The following LRMDA variants were observed in gnomAD, a reference collection of about 807,000 sequenced individuals.
LRMDA encodes the protein leucine-rich melanocyte differentiation-associated protein.
A neutral mutation model predicts 29.8 loss-of-function variants in LRMDA; 18 were observed. The observed-to-expected ratio is 0.60, with a 90% CI of 0.42 to 0.90. The LOEUF is 0.90. Among genes scored for constraint, LRMDA ranks in the 40% least tolerant of loss-of-function variants. The pLI is 0.00. For missense variants in LRMDA, 273 were observed against 273.9 expected (o/e 1.00, Z 0.02); for synonymous variants, 125 against 109.4 (o/e 1.14, Z -0.89).
chr10:75,653,266 C>T (rs1026602846), intron 2 of LRMDA, among the ~76,000 whole-genome samples: 2 of 152,178 alleles, frequency 1.3e-5, no homozygotes, highest in East Asian at 1.9e-4. Flanking sequence ...CAGACAGGAT[C>T]GTGAAGAGAA....
At chr10:75,584,214 C>G (rs1004424566) in intron 2 of LRMDA, among the ~76,000 whole-genome samples, 1 of 152,124 alleles carries the variant, frequency 6.6e-6, no homozygotes, top group Non-Finnish European at 1.5e-5. Context: ...GTTCCCTAGG[C>G]TAGGAGCTGC....
chr10:75,783,409 C>A (rs1843417883), intron 2 of LRMDA, among the ~76,000 whole-genome samples: 1 of 146,670 alleles, frequency 6.8e-6, no homozygotes, highest in Admixed American at 7.0e-5. Flanking sequence ...CAAAAGGAAT[C>A]TAGTTAATTT....
At chr10:75,821,666 G>A (rs1844161161) in intron 2 of LRMDA, among the ~76,000 whole-genome samples, 1 of 152,106 alleles carries the variant, frequency 6.6e-6, no homozygotes, top group South Asian at 2.1e-4. Context: ...CTACTCAGGA[G>A]GCTGAGGCAG....
chr10:75,698,181 C>G (rs988193799), intron 2 of LRMDA, among the ~76,000 whole-genome samples: 3 of 152,168 alleles, frequency 2.0e-5, no homozygotes, highest in African/African-American at 7.2e-5. Flanking sequence ...TCCCTGTTCC[C>G]ACCCCATTAG....
intron 2 of LRMDA, among the ~76,000 whole-genome samples, chr10:75,756,847 T>G (rs1843038489): frequency 6.6e-6 from 1 of 152,232 alleles, no homozygotes; most frequent in South Asian, 2.1e-4. Flanking sequence ...AAAGACTCTT[T>G]TCTTCATCAC....
At chr10:75,538,278 A>G (rs1357769624) in intron 2 of LRMDA, among the ~76,000 whole-genome samples, 1 of 152,170 alleles carries the variant, frequency 6.6e-6, no homozygotes, top group Non-Finnish European at 1.5e-5. Context: ...AGCTTTGCAT[A>G]ACACAGAGAC....
intron 6 of LRMDA, among the ~76,000 whole-genome samples, chr10:76,379,232 T>C (rs889669084): frequency 2.0e-5 from 3 of 149,548 alleles, no homozygotes; most frequent in Admixed American, 1.3e-4. Context: ...CAGGGTGATA[T>C]TGGCTTTATA....
intron 5 of LRMDA, among the ~76,000 whole-genome samples, chr10:76,191,492 A>AT (rs1308845845): frequency 1.3e-5 from 2 of 152,176 alleles, no homozygotes; most frequent in African/African-American, 4.8e-5. Flanking sequence ...GCTGATGCCC[A>AT]TGACTGCCTT....
At chr10:75,433,394 T>G (rs1844228440) in intron 1 of LRMDA, among the ~76,000 whole-genome samples, 1 of 152,206 alleles carries the variant, frequency 6.6e-6, no homozygotes, top group Admixed American at 6.5e-5. Flanking sequence ...GTGAGGCATT[T>G]TAGGCCCTTG....
chr10:75,756,426 T>G (rs948261309), intron 2 of LRMDA, among the ~76,000 whole-genome samples: 26 of 152,012 alleles, frequency 1.7e-4, no homozygotes, highest in Non-Finnish European at 1.2e-4. Flanking sequence ...GAGCATAGAG[T>G]TAGAAGGACC....
At chr10:75,455,006 G>A (rs1035488346) in intron 2 of LRMDA, among the ~76,000 whole-genome samples, 2 of 152,186 alleles carry the variant, frequency 1.3e-5, no homozygotes, top group African/African-American at 4.8e-5. Context: ...TCTAACTGGT[G>A]GGTAGAAGTC....
intron 6 of LRMDA, among the ~76,000 whole-genome samples, chr10:76,466,099 C>G (rs1010406543): frequency 6.6e-6 from 1 of 152,112 alleles, no homozygotes; most frequent in African/African-American, 2.4e-5. Flanking sequence ...AAAGGCAAGG[C>G]AAGGGGGAAA....
intron 6 of LRMDA, among the ~76,000 whole-genome samples, chr10:76,520,868 C>T (rs989679117): frequency 8.5e-5 from 13 of 152,100 alleles, no homozygotes; most frequent in African/African-American, 3.1e-4. Flanking sequence ...CATCATGAAG[C>T]TTCTTTTAGT....
At chr10:75,778,280 G>A (rs1843338517) in intron 2 of LRMDA, among the ~76,000 whole-genome samples, 1 of 152,104 alleles carries the variant, frequency 6.6e-6, no homozygotes, top group Admixed American at 6.5e-5. Context: ...GTTCCACCAT[G>A]TTGGCCAAGA....
intron 5 of LRMDA, among the ~76,000 whole-genome samples, chr10:76,063,870 G>T (rs559461226): frequency 6.6e-6 from 1 of 152,070 alleles, no homozygotes; most frequent in Non-Finnish European, 1.5e-5. Context: ...GGATGAAGAC[G>T]GAATGATTCA....
chr10:75,485,793 G>T (rs1381681226), intron 2 of LRMDA, among the ~76,000 whole-genome samples: 1 of 152,116 alleles, frequency 6.6e-6, no homozygotes, highest in Non-Finnish European at 1.5e-5. Context: ...GGCTAAGCCG[G>T]TCTCAAACAC....
chr10:75,614,289 G>A (rs1411700996), intron 2 of LRMDA, among the ~76,000 whole-genome samples: 1 of 152,106 alleles, frequency 6.6e-6, no homozygotes, highest in African/African-American at 2.4e-5. Flanking sequence ...CAGATAAGAC[G>A]TTTTTATAAT....
intron 2 of LRMDA, among the ~76,000 whole-genome samples, chr10:75,527,172 T>G (rs1589169777): frequency 6.6e-6 from 1 of 152,328 alleles, no homozygotes; most frequent in Admixed American, 6.5e-5. Context: ...GAATACTATT[T>G]TTAAGGTCCA....
At chr10:75,530,759 C>G (rs759649064) in intron 2 of LRMDA, among the ~76,000 whole-genome samples, 9 of 152,236 alleles carry the variant, frequency 5.9e-5, no homozygotes, top group Non-Finnish European at 1.0e-4. Flanking sequence ...ACATTCCTCT[C>G]CTCACCATTC....
Sources: gnomAD v4.1 joint callset for allele counts (sites outside exome capture counted in the v4.1 genomes callset) on GRCh38, gnomAD v4.1.1 for gene constraint, MANE v1.5 for transcripts, NCBI Gene and HGNC (gene_info 2026-07-23, HGNC 2026-07-21) for gene names.